EXOC4: variants seen among roughly 807,000 people sequenced by gnomAD.
The protein encoded by EXOC4 is exocyst complex component 4.
Under a neutral mutation model 107.2 loss-of-function variants are expected in EXOC4, and 71 were observed. That is an observed-to-expected ratio of 0.66 (90% CI 0.55 to 0.81). EXOC4 has a LOEUF of 0.81. EXOC4 is among the 30% of genes least tolerant of loss of function. The probability of loss-of-function intolerance (pLI) is 0.00; values close to 1 mark genes in which losing one functional copy is unlikely to be tolerated. For missense variants in EXOC4, 1,108 were observed against 1,189.6 expected, an observed-to-expected ratio of 0.93 and a Z score of 1.01; for synonymous variants, 456 against 441.2, an observed-to-expected ratio of 1.03 and a Z score of -0.42.
At chr7:133,749,381 G>C (rs1795743175) in intron 10 of EXOC4, among the ~76,000 whole-genome samples, 1 of 152,086 alleles carries the variant, frequency 6.6e-6, no homozygotes, top group African/African-American at 2.4e-5. Context: ...CTCTAAAAAT[G>C]TGACTTAATT....
At chr7:133,936,379 A>C (rs1800299878) in intron 13 of EXOC4, among the ~76,000 whole-genome samples, 1 of 152,264 alleles carries the variant, frequency 6.6e-6, no homozygotes, top group Admixed American at 6.5e-5. Flanking sequence ...AGTGCTGGGC[A>C]CTAAACACCT....
chr7:133,752,460 G>T (rs1795814761), intron 10 of EXOC4, among the ~76,000 whole-genome samples: 1 of 152,136 alleles, frequency 6.6e-6, no homozygotes, highest in Non-Finnish European at 1.5e-5. Context: ...TTTCTGGGAT[G>T]ATGTTTTCTC....
At chr7:133,830,739 A>G (rs1797791426) in intron 11 of EXOC4, among the ~76,000 whole-genome samples, 1 of 152,202 alleles carries the variant, frequency 6.6e-6, no homozygotes, top group Non-Finnish European at 1.5e-5. Context: ...ACTGTGGTGC[A>G]TTTGTTACAA....
chr7:133,698,148 A>G (rs182679459), intron 10 of EXOC4, among the ~76,000 whole-genome samples: 1 of 151,092 alleles, frequency 6.6e-6, no homozygotes, highest in Admixed American at 6.6e-5. Flanking sequence ...TATGTGTGTG[A>G]CCTTGGTTGT....
intron 11 of EXOC4, among the ~76,000 whole-genome samples, chr7:133,869,147 C>A (rs558974684): frequency 4.8e-4 from 73 of 152,074 alleles, no homozygotes; most frequent in Middle Eastern, 3.4e-3. Flanking sequence ...ATGAACGGCA[C>A]TCATATATAC....
intron 7 of EXOC4, among the ~76,000 whole-genome samples, chr7:133,426,918 G>C (rs1732537041): frequency 6.6e-6 from 1 of 152,158 alleles, no homozygotes; most frequent in South Asian, 2.1e-4. Context: ...TATTGACAGT[G>C]TGATCCATGG....
At chr7:134,021,722 G>GAAAAA (rs60762484) in intron 17 of EXOC4, among the ~76,000 whole-genome samples, 5 of 53,738 alleles carry the variant, frequency 9.3e-5, no homozygotes, top group African/African-American at 3.3e-4. Flanking sequence ...AGTCAAACCA[G>GAAAAA]AAAAAAAAAA....
rs149028930 is a variant in EXOC4, at chr7:133,356,197, A to G, written c.764-133A>G. The G allele has an allele frequency of 3.1e-5, 28 of 892,184 alleles. No homozygotes were observed. In the African/African-American group the frequency reaches 4.2e-4, roughly 13 times the overall value. 55.3% of individuals were successfully genotyped at this position (892,184 alleles called of 1,614,324 possible). A position where few individuals can be genotyped will look rare whatever the true frequency, so the allele number is the denominator to read the frequency against. Reference sequence around the variant, plus strand: ...ACTTTTGGATGGTTACTGTGCAAATATAATTTAATTGAAAAATCCTCTTTA... The same window carrying G: ...ACTTTTGGATGGTTACTGTGCAAATGTAATTTAATTGAAAAATCCTCTTTA... On this transcript the variant is annotated intron_variant, in intron 5 of 17. Coordinates refer to ENST00000253861, the MANE Select transcript of EXOC4 (RefSeq NM_021807.4).
chr7:133,460,291 C>T (rs1482077922), intron 7 of EXOC4, among the ~76,000 whole-genome samples: 1 of 152,150 alleles, frequency 6.6e-6, no homozygotes, highest in Non-Finnish European at 1.5e-5. Flanking sequence ...AATGCTTGCT[C>T]CCCTGCCGCT....
chr7:133,657,253 C>T (rs1156708759), intron 10 of EXOC4, among the ~76,000 whole-genome samples: 3 of 152,114 alleles, frequency 2.0e-5, no homozygotes, highest in African/African-American at 7.2e-5. Flanking sequence ...TGGTCATTCA[C>T]AGCTACTATT....
chr7:134,028,245 A>G (rs1795189046), intron 17 of EXOC4, among the ~76,000 whole-genome samples: 1 of 152,252 alleles, frequency 6.6e-6, no homozygotes, highest in African/African-American at 2.4e-5. Flanking sequence ...GATGATAATT[A>G]TGACTTCTGT....
At chr7:134,025,703 A>G (rs1320375022) in intron 17 of EXOC4, among the ~76,000 whole-genome samples, 1 of 151,764 alleles carries the variant, frequency 6.6e-6, no homozygotes, top group Non-Finnish European at 1.5e-5. Flanking sequence ...CCCCCTCTCC[A>G]TGTAGATTTT....
At chr7:133,886,608 A>G (rs1356800856) in intron 11 of EXOC4, among the ~76,000 whole-genome samples, 1 of 152,186 alleles carries the variant, frequency 6.6e-6, no homozygotes, top group Non-Finnish European at 1.5e-5. Flanking sequence ...AGTTGCAAGA[A>G]ATGTGAATTG....
intron 9 of EXOC4, among the ~76,000 whole-genome samples, chr7:133,512,887 G>A (rs939342481): frequency 5.3e-5 from 8 of 152,104 alleles, no homozygotes; most frequent in African/African-American, 1.9e-4. Flanking sequence ...GGGCGGATCA[G>A]TTGAGGCCAG....
At chr7:133,462,569 A>G (rs917760551) in intron 7 of EXOC4, among the ~76,000 whole-genome samples, 4 of 152,216 alleles carry the variant, frequency 2.6e-5, no homozygotes, top group African/African-American at 7.2e-5. Flanking sequence ...ATCTCCATGC[A>G]TGTAACTCTG....
intron 9 of EXOC4, among the ~76,000 whole-genome samples, chr7:133,510,945 C>T (rs866774816): frequency 9.9e-5 from 15 of 152,036 alleles, no homozygotes; most frequent in African/African-American, 3.4e-4. Flanking sequence ...ACATAATATG[C>T]TCTTATAACT....
chr7:133,817,798 C>G (rs889492971), intron 11 of EXOC4, among the ~76,000 whole-genome samples: 1 of 151,672 alleles, frequency 6.6e-6, no homozygotes, highest in African/African-American at 2.4e-5. Flanking sequence ...CATTAACATG[C>G]AGGCAGTTCC....
chr7:134,072,330 A>G, the EXOC4 span, among the ~76,000 whole-genome samples: 1 of 152,256 alleles, frequency 6.6e-6, no homozygotes, highest in Non-Finnish European at 1.5e-5. Flanking sequence ...TATACATGAA[A>G]AAAAATGAAG....
At chr7:133,404,726 G>A (rs1797172615) in intron 7 of EXOC4, among the ~76,000 whole-genome samples, 1 of 151,974 alleles carries the variant, frequency 6.6e-6, no homozygotes, top group Non-Finnish European at 1.5e-5. Flanking sequence ...TTGAATAAGA[G>A]GTGAAATGAA....
Sources: gnomAD v4.1 joint callset for allele counts (sites outside exome capture counted in the v4.1 genomes callset) on GRCh38, gnomAD v4.1.1 for gene constraint, MANE v1.5 for transcripts, NCBI Gene and HGNC (gene_info 2026-07-23, HGNC 2026-07-21) for gene names.